Variants in N4BP2 observed in about 807,000 individuals in gnomAD.
N4BP2 encodes the protein NEDD4 binding protein 2.
N4BP2 carries 91 observed loss-of-function variants against 152.8 expected under a neutral mutation model. That is an observed-to-expected ratio of 0.60 (90% CI 0.50 to 0.71). The LOEUF (loss-of-function observed/expected upper bound fraction) is 0.71. N4BP2 is among the 30% of genes least tolerant of loss of function. The probability of loss-of-function intolerance (pLI) is 0.00; values close to 1 mark genes in which losing one functional copy is unlikely to be tolerated. For missense variants in N4BP2, 1,923 were observed against 2,059.1 expected (o/e 0.93, Z 1.28); for synonymous variants, 646 against 705.3 (o/e 0.92, Z 1.33).
intron 2 of N4BP2, among the ~76,000 whole-genome samples, chr4:40,088,360 A>G (rs1714180416): frequency 6.6e-6 from 1 of 152,120 alleles, no homozygotes; most frequent in Non-Finnish European, 1.5e-5. Context: ...AAACTGCAGA[A>G]TATTTTTCAG....
In N4BP2 at chr4:40,102,974, C is replaced by G; in HGVS notation, c.1129C>G (p.His377Asp). 2 of 1,614,190 alleles carry G rather than the reference C, an allele frequency of 1.2e-6. No individual in the cohort carries two copies. The highest frequency in any genetic ancestry group is 1.7e-6 in the Non-Finnish European group (2 of 1,180,044). Reference protein sequence around the residue: ...IPAFDLFQGNHGFVAPVVTTA... With the variant: ...IPAFDLFQGNDGFVAPVVTTA... ...TGCTTTTGACCTCTTCCAAGGAAACCATGGCTTTGTAGCTCCTGTTGTAAC... is the reference window on the plus strand; with the variant it reads ...TGCTTTTGACCTCTTCCAAGGAAACGATGGCTTTGTAGCTCCTGTTGTAAC... The change falls in exon 4 of 18, where the codon CAT becomes GAT. Residue 377 changes from histidine to aspartate, a missense_variant. His to Asp is a moderately conservative substitution (Grantham distance 81). Coordinates refer to ENST00000261435, the MANE Select transcript of N4BP2 (RefSeq NM_018177.6).
chr4:40,166,565 A>G, the N4BP2 span: 1 of 152,210 alleles, frequency 6.6e-6, no homozygotes. Flanking sequence ...GATGCATGCC[A>G]GTAATCCCAG....
At chr4:40,165,340 C>G in the N4BP2 span, among the ~76,000 whole-genome samples, 1 of 152,080 alleles carries the variant, frequency 6.6e-6, no homozygotes, top group Admixed American at 6.6e-5. Context: ...CCTCTGCTTC[C>G]CGGGCTCAAG....
At chr4:40,078,113 A>ATGTGTGTG (rs71194969) in intron 2 of N4BP2, 8,561 of 142,622 alleles carry the variant, frequency 0.06, 235 homozygotes, top group South Asian at 0.075. Flanking sequence ...ATATTTCTAA[A>ATGTGTGTG]TGTGTGTGTG....
intron 2 of N4BP2, among the ~76,000 whole-genome samples, chr4:40,085,484 TCTCA>T (rs1434006539): frequency 6.6e-6 from 1 of 152,230 alleles, no homozygotes; most frequent in African/African-American, 2.4e-5. Context: ...AGAGATGGGG[TCTCA>T]CTCTGTCACT....
chr4:40,127,747 G>T (rs528148047), intron 12 of N4BP2, among the ~76,000 whole-genome samples: 1 of 151,962 alleles, frequency 6.6e-6, no homozygotes, highest in Non-Finnish European at 1.5e-5. Flanking sequence ...TGCATGCTCC[G>T]TCTCCCGGGT....
chr4:40,111,574 C>T (rs34085143), intron 5 of N4BP2, among the ~76,000 whole-genome samples: 27,519 of 151,940 alleles, frequency 0.18, 3,123 homozygotes, highest in Admixed American at 0.26. Context: ...CTGACTTGGC[C>T]TCCCAAAGTG....
In N4BP2 at chr4:40,121,071, C is replaced by G. The variant is rs1455643142; in HGVS notation, c.2960C>G (p.Ser987Cys). Residue 987 changes from serine (S) to cysteine (C), a missense_variant, in exon 9 of 18, where the codon TCT (serine) becomes TGT (cysteine). Coordinates refer to ENST00000261435, the MANE Select transcript of N4BP2 (RefSeq NM_018177.6). ...TTTACCAATAGTGCACCAACTGTTT[C>G]TGGAGTAGTAGAACCACAAACGTTA... ...LTFTNSAPTV[S>C]GVVEPQTLAE... The G allele has an allele frequency of 1.2e-6, 2 of 1,613,914 alleles. No individual in the cohort carries two copies. The highest frequency in any genetic ancestry group is 1.1e-5 in the South Asian group (1 of 91,082).
chr4:40,146,411 A>G (rs903576661), intron 16 of N4BP2, among the ~76,000 whole-genome samples: 3 of 152,144 alleles, frequency 2.0e-5, no homozygotes, highest in South Asian at 4.1e-4. Context: ...AGCTTATTGT[A>G]TAATTGGTTA....
rs1399951896 is a variant in N4BP2 at position 40,152,858 on chromosome 4, G to A, written c.5222G>A (p.Arg1741His). The change falls in exon 17 of 18, where the codon CGC becomes CAC. Residue 1741 changes from arginine (R) to histidine (H), a missense_variant. By Grantham distance (29) the Arg-to-His change is conservative (BLOSUM62 0). Coordinates refer to ENST00000261435, the MANE Select transcript of N4BP2 (RefSeq NM_018177.6). ...AACCACAGCCAGGGAGGAGTTGCTC[G>A]CATCAAACCAGCTGTCATTAAGTAC... ...RGNHSQGGVA[R>H]IKPAVIKYLI... 4.3e-6 allele frequency: 7 copies of A among 1,613,986 alleles called. No individual in the cohort carries two copies. The highest frequency in any genetic ancestry group is 2.2e-5 in the South Asian group (2 of 91,070).
chr4:40,120,212 G>A lies in N4BP2; in HGVS notation c.2101G>A (p.Glu701Lys), dbSNP rs151336992. 3.2e-5 allele frequency: 52 copies of A among 1,613,682 alleles called. No individual in the cohort carries two copies. The African/African-American group carries it at 4.4e-4, about 14-fold the overall frequency. Reference protein sequence around the residue: ...KLQATDKSENEQIEMVAVKGY... With the variant: ...KLQATDKSENKQIEMVAVKGY... ...ACAGGCAACAGACAAAAGTGAAAAC[G>A]AGCAAATAGAAATGGTGGCTGTAAA... Residue 701 changes from glutamate to lysine, a missense_variant, in exon 9 of 18, where the codon GAG becomes AAG. By Grantham distance (56) the Glu-to-Lys change is moderately conservative (BLOSUM62 1). Coordinates refer to ENST00000261435, the MANE Select transcript of N4BP2 (RefSeq NM_018177.6).
downstream of N4BP2, among the ~76,000 whole-genome samples, chr4:40,158,958 A>T (rs147623169): frequency 6.6e-6 from 1 of 152,306 alleles, no homozygotes; most frequent in African/African-American, 2.4e-5. Flanking sequence ...TTTTATCCAG[A>T]ATTATAATTA....
At chr4:40,063,857 T>C (rs886558562) in intron 1 of N4BP2, among the ~76,000 whole-genome samples, 1 of 151,932 alleles carries the variant, frequency 6.6e-6, no homozygotes, top group East Asian at 1.9e-4. Flanking sequence ...GTTGGCCAGG[T>C]TGGTCTTGAA....
chr4:40,176,667 C>G, the N4BP2 span, among the ~76,000 whole-genome samples: 2 of 152,232 alleles, frequency 1.3e-5, no homozygotes, highest in Non-Finnish European at 2.9e-5. Context: ...TCTTTTCTCA[C>G]TGAGTTAATT....
chr4:40,083,085 C>A (rs1021643757), intron 2 of N4BP2: 1 of 192,698 alleles, frequency 5.2e-6, no homozygotes, highest in Non-Finnish European at 1.1e-5. Flanking sequence ...TGTGCCTGTT[C>A]TGTATTATGA....
intron 9 of N4BP2, 32 bp downstream of exon 9, chr4:40,122,341 C>A: frequency 7.3e-7 from 1 of 1,371,198 alleles, no homozygotes; most frequent in Non-Finnish European, 9.9e-7. Flanking sequence ...ATGTGTGTGT[C>A]TTTGTGTGAC....
chr4:40,168,981 C>T, the N4BP2 span, among the ~76,000 whole-genome samples: 16 of 152,120 alleles, frequency 1.1e-4, no homozygotes, highest in Admixed American at 2.0e-4. Context: ...CCACCTCTGC[C>T]TCCCAAAGTG....
chr4:40,071,359 G>T (rs1403113783), intron 1 of N4BP2, among the ~76,000 whole-genome samples: 1 of 152,114 alleles, frequency 6.6e-6, no homozygotes, highest in Non-Finnish European at 1.5e-5. Flanking sequence ...AACAGTTTTG[G>T]AAGAGTATCT....
In N4BP2 at chr4:40,120,664, C is replaced by A; in HGVS notation, c.2553C>A (p.Gly851=). 6.2e-7 allele frequency: 1 copy of A among 1,614,046 alleles called. No homozygotes were observed. Among genetic ancestry groups the A allele is most frequent in the Non-Finnish European group, 8.5e-7 (1 of 1,179,996 alleles). ...RGSPHESVED[G]RKSQCDDASE... ...CTCCACATGAAAGTGTAGAGGATGGCAGAAAGTCACAGTGTGATGATGCTT... is the reference window on the plus strand; with the variant it reads ...CTCCACATGAAAGTGTAGAGGATGGAAGAAAGTCACAGTGTGATGATGCTT... Residue 851 remains glycine (G), a synonymous_variant, in exon 9 of 18, where the codon GGC becomes GGA. Coordinates refer to ENST00000261435, the MANE Select transcript of N4BP2 (RefSeq NM_018177.6).
Sources: gnomAD v4.1 joint callset for allele counts (sites outside exome capture counted in the v4.1 genomes callset) on GRCh38, gnomAD v4.1.1 for gene constraint, MANE v1.5 for transcripts, NCBI Gene and HGNC (gene_info 2026-07-23, HGNC 2026-07-21) for gene names.